The following COL15A1 variants were observed in gnomAD, a reference collection of about 807,000 sequenced individuals.
COL15A1 encodes collagen type XV alpha 1 chain.
Under a neutral mutation model 165.9 loss-of-function variants are expected in COL15A1, and 111 were observed. The observed-to-expected ratio is 0.67, with a 90% CI of 0.57 to 0.78. The LOEUF is 0.78. Ranked by LOEUF, COL15A1 falls within the 30% of genes least tolerant of loss-of-function variation. The pLI is 0.00. For synonymous variants in COL15A1, 659 were observed against 674.8 expected, an observed-to-expected ratio of 0.98 and a Z score of 0.36; for missense variants, 1,745 against 1,789.7, an observed-to-expected ratio of 0.98 and a Z score of 0.45.
chr9:99,042,205 G>T (rs62561258), intron 24 of COL15A1, 98 bp downstream of exon 24: 36,017 of 840,320 alleles, frequency 0.043, 1,022 homozygotes, highest in Non-Finnish European at 0.054. Flanking sequence ...TCTTCTTTGA[G>T]ATACAATTCA....
chr9:99,034,134 G>A (rs1456210235), intron 16 of COL15A1, among the ~76,000 whole-genome samples: 1 of 152,130 alleles, frequency 6.6e-6, no homozygotes, highest in Non-Finnish European at 1.5e-5. Flanking sequence ...ATATCCAAAA[G>A]TCTAGGGGAT....
In COL15A1 at chr9:99,001,103, G is replaced by A; in HGVS notation, c.1065+152G>A. The A allele has an allele frequency of 4.8e-6, 3 of 627,600 alleles. No individual in the cohort carries two copies. In the South Asian group the frequency reaches 5.6e-5, roughly 12 times the overall value. The allele number at this position is 627,600 out of a possible 1,614,324, so 38.9% of individuals were successfully genotyped here. A position where few individuals can be genotyped will look rare whatever the true frequency, so the allele number is the denominator to read the frequency against. ...GCTTCTGTCCTCATGGTACAGAGGA[G>A]GTCAGAGTCCCAGGGCCACAGAGGC... On this transcript the variant is annotated intron_variant, in intron 7 of 41. Transcript: ENST00000375001.
Position 99,055,270 on chromosome 9 carries a change from T to G in COL15A1, c.3090T>G (p.Asn1030Lys). The G allele has an allele frequency of 6.2e-7, 1 of 1,610,996 alleles. No individual in the cohort carries two copies. The change falls in exon 34 of 42, where the codon AAT becomes AAG. Residue 1030 changes from asparagine (N) to lysine (K), a missense_variant. Asn to Lys is a moderately conservative substitution (Grantham distance 94). Coordinates refer to ENST00000375001, the MANE Select transcript of COL15A1 (RefSeq NM_001855.5). ...RHFLNNLKGE[N>K]GDKGFKGEKG... ...GTGTTCTCTGCTTCCAGGGGGAGAA[T>G]GGAGACAAGGGGTTCAAAGGTGAAA...
At chr9:99,050,054 A>C (rs1839560590) in intron 30 of COL15A1, among the ~76,000 whole-genome samples, 159 bp downstream of exon 30, 1 of 152,240 alleles carries the variant, frequency 6.6e-6, no homozygotes, top group Non-Finnish European at 1.5e-5. Flanking sequence ...AAGCTTTTAG[A>C]TAACAGGTCG....
intron 5 of COL15A1, among the ~76,000 whole-genome samples, chr9:98,990,142 ACT>A (rs1838393152): frequency 6.6e-6 from 1 of 152,004 alleles, no homozygotes; most frequent in Non-Finnish European, 1.5e-5. Context: ...ATAGAACTAG[ACT>A]CTGTTAGCAC....
chr9:98,976,650 C>T (rs1838146010), intron 2 of COL15A1, among the ~76,000 whole-genome samples: 1 of 152,180 alleles, frequency 6.6e-6, no homozygotes, highest in African/African-American at 2.4e-5. Context: ...AGCCTGGCAC[C>T]TTCAATTCAG....
rs749721792 is a variant in COL15A1 at position 98,987,342 on chromosome 9, G to A, written c.697G>A (p.Glu233Lys). ...GCACCCCGACCCCAGGACTCCCGAG[G>A]AGCTGTGTGACCCTGAAGAGTCCTC... ...TVHPDPRTPE[E>K]LCDPEESSAS... Residue 233 changes from glutamate to lysine, a missense_variant, in exon 4 of 42, where the codon GAG becomes AAG. Glu to Lys is a moderately conservative substitution (Grantham distance 56, BLOSUM62 1). Transcript: ENST00000375001. 2 of 1,613,360 alleles carry A rather than the reference G, an allele frequency of 1.2e-6. No individual in the cohort carries two copies. Among genetic ancestry groups the A allele is most frequent in the Non-Finnish European group, 1.7e-6 (2 of 1,179,694 alleles).
At chr9:99,044,282 A>G (rs1370853002) in intron 24 of COL15A1, among the ~76,000 whole-genome samples, 2 of 152,144 alleles carry the variant, frequency 1.3e-5, no homozygotes, top group Admixed American at 6.5e-5. Flanking sequence ...CTGAAGGGGC[A>G]TGGAAGACAG....
chr9:99,007,626 C>T (rs564423806), intron 9 of COL15A1, among the ~76,000 whole-genome samples: 1 of 152,118 alleles, frequency 6.6e-6, no homozygotes, highest in Non-Finnish European at 1.5e-5. Flanking sequence ...AAAAGAAGAA[C>T]AATCCTGGAA....
At chr9:99,015,667 G>C in intron 10 of COL15A1, 101 bp downstream of exon 10, 1 of 1,144,586 alleles carries the variant, frequency 8.7e-7, no homozygotes, top group Non-Finnish European at 1.3e-6. Flanking sequence ...CCTGTAGCTT[G>C]GTTATGAGCA....
Position 99,034,544 on chromosome 9 carries a change from T to C in COL15A1, c.2044-5T>C. 1 of 1,583,922 alleles carries C rather than the reference T, an allele frequency of 6.3e-7. No individual in the cohort carries two copies. Among genetic ancestry groups the C allele is most frequent in the Non-Finnish European group, 8.5e-7 (1 of 1,171,148 alleles). ...GGTCCATGTTTTTGTTTTTGTTTTTTTCAGGGAGCAAGAGGGCCTAATGGC... is the reference window on the plus strand; with the variant it reads ...GGTCCATGTTTTTGTTTTTGTTTTTCTCAGGGAGCAAGAGGGCCTAATGGC... On this transcript the variant is annotated splice_polypyrimidine_tract_variant and splice_region_variant and intron_variant, in intron 16 of 41. Coordinates refer to ENST00000375001, the MANE Select transcript of COL15A1 (RefSeq NM_001855.5).
At chr9:99,033,944 G>A (rs1000372881) in intron 16 of COL15A1, among the ~76,000 whole-genome samples, 1 of 152,068 alleles carries the variant, frequency 6.6e-6, no homozygotes, top group South Asian at 2.1e-4. Flanking sequence ...GCTCACAGCC[G>A]ACTCCTTTCT....
Position 99,035,048 on chromosome 9 carries a change from C to T in COL15A1, c.2114C>T (p.Pro705Leu), listed in dbSNP as rs41308900. The T allele has an allele frequency of 0.02, 31,540 of 1,612,602 alleles. 391 individuals carry two copies. Among genetic ancestry groups the T allele is most frequent in the Non-Finnish European group, 0.022 (26,480 of 1,178,810 alleles). Residue 705 changes from proline (P) to leucine (L), a missense_variant, in exon 18 of 42, where the codon CCG becomes CTG. Physicochemically the swap from Pro to Leu is moderately conservative, Grantham distance 98. Coordinates refer to ENST00000375001, the MANE Select transcript of COL15A1 (RefSeq NM_001855.5). ...GGCAACAGAGGCTTACCTGGACCCC[C>T]GGGGAAAAAGGGACAAGCTGGCCCT... The part of the protein sequence containing the change: ...DPGNRGLPGP[P>L]GKKGQAGPPG...
chr9:98,961,964 G>A (rs918260595), intron 2 of COL15A1, among the ~76,000 whole-genome samples: 1 of 152,226 alleles, frequency 6.6e-6, no homozygotes, highest in Non-Finnish European at 1.5e-5. Flanking sequence ...GGCCTCCCAG[G>A]CCACGACAGC....
intron 2 of COL15A1, among the ~76,000 whole-genome samples, chr9:98,982,305 T>C (rs1838246196): frequency 6.6e-6 from 1 of 152,198 alleles, no homozygotes; most frequent in African/African-American, 2.4e-5. Flanking sequence ...ATTTTATTTA[T>C]CCATTGTTTT....
At chr9:99,036,272 G>A in intron 20 of COL15A1, 41 bp from the exon 21 acceptor site, 2 of 1,613,898 alleles carry the variant, frequency 1.2e-6, no homozygotes, top group African/African-American at 1.3e-5. Flanking sequence ...CATTATCGCT[G>A]TACAGTGAAT....
At chr9:99,057,083 T>A (rs746757613) in intron 35 of COL15A1, among the ~76,000 whole-genome samples, 1 of 152,250 alleles carries the variant, frequency 6.6e-6, no homozygotes, top group Non-Finnish European at 1.5e-5. Context: ...TGCTGGGTCA[T>A]ATGGTAACTC....
intron 23 of COL15A1, 24 bp from the exon 24 acceptor site, chr9:99,042,021 A>G (rs774661115): frequency 4.6e-6 from 7 of 1,523,748 alleles, no homozygotes; most frequent in Admixed American, 1.8e-5. Flanking sequence ...GAACAACCAA[A>G]TACTATATAA....
At chr9:99,049,140 G>T (rs911770408) in intron 28 of COL15A1, among the ~76,000 whole-genome samples, 1 of 152,166 alleles carries the variant, frequency 6.6e-6, no homozygotes, top group African/African-American at 2.4e-5. Flanking sequence ...CCTGCTGCAA[G>T]CTCCTGCCTC....
Sources: allele counts gnomAD v4.1 joint callset (sites outside exome capture counted in the v4.1 genomes callset), GRCh38; gene constraint gnomAD v4.1.1; transcripts MANE v1.5; gene names NCBI Gene and HGNC (gene_info 2026-07-23, HGNC 2026-07-21).